SYT2: variants seen among roughly 807,000 people sequenced by gnomAD.
SYT2 encodes the protein synaptotagmin 2.
A neutral mutation model predicts 39.9 loss-of-function variants in SYT2; 15 were observed. The ratio of observed to expected loss-of-function variants is 0.38; its 90% confidence interval spans 0.25 to 0.58. The LOEUF (loss-of-function observed/expected upper bound fraction) is 0.58, where lower values mean the gene tolerates loss of function less well. Ranked by LOEUF, SYT2 falls within the 20% of genes least tolerant of loss-of-function variation. SYT2 has a pLI of 0.70. For missense variants in SYT2, 389 were observed against 530.3 expected (o/e 0.73, Z 2.62); for synonymous variants, 181 against 204.5 (o/e 0.89, Z 0.98).
At chr1:202,652,100 A>G (rs1288406259) in intron 1 of SYT2, among the ~76,000 whole-genome samples, 1 of 152,224 alleles carries the variant, frequency 6.6e-6, no homozygotes, top group Non-Finnish European at 1.5e-5. Flanking sequence ...ATCGCAGCCA[A>G]TCATTCAACT....
chr1:202,672,117 A>T (rs1363123696), intron 1 of SYT2, among the ~76,000 whole-genome samples: 2 of 152,360 alleles, frequency 1.3e-5, no homozygotes, highest in East Asian at 3.9e-4. Flanking sequence ...TAAAAAGCCA[A>T]CATCGAAAAT....
chr1:202,647,140 A>G (rs759389061), intron 1 of SYT2, among the ~76,000 whole-genome samples: 18 of 152,122 alleles, frequency 1.2e-4, no homozygotes, highest in Non-Finnish European at 2.1e-4. Flanking sequence ...ATCCTCCCCA[A>G]AGTCACCTCC....
In SYT2 at chr1:202,618,400, A is replaced by AGTGTGTGTGTGTGTGT. The variant is rs57621822; in HGVS notation, c.-17-12627_-17-12612dup. Among the ~76,000 whole-genome samples the AGTGTGTGTGTGTGTGT allele has an allele frequency of 8.7e-4, 129 of 148,872 alleles. 2 individuals carry two copies. Among genetic ancestry groups the AGTGTGTGTGTGTGTGT allele is most frequent in the Admixed American group, 1.3e-3 (19 of 14,964 alleles). On this transcript the variant is annotated intron_variant, in intron 1 of 8. Transcript: ENST00000367268. ...TGGGAAGGAACCAAGGTCTGGTGTG[A>AGTGTGTGTGTGTGTGT]GTGTGTGTGTGTGTGTGTGTGTGTG... is the stretch of plus-strand genomic sequence containing the variant.
At chr1:202,675,226 G>A (rs1434131937) in intron 1 of SYT2, among the ~76,000 whole-genome samples, 1 of 152,062 alleles carries the variant, frequency 6.6e-6, no homozygotes, top group African/African-American at 2.4e-5. Context: ...GAATGAGTCT[G>A]TATGACCATA....
intron 1 of SYT2, among the ~76,000 whole-genome samples, chr1:202,698,916 C>A (rs1654041070): frequency 6.6e-6 from 1 of 152,086 alleles, no homozygotes; most frequent in Non-Finnish European, 1.5e-5. Flanking sequence ...CACTTCAGGT[C>A]CCCCATTTGT....
intron 1 of SYT2, among the ~76,000 whole-genome samples, chr1:202,613,593 A>C (rs1316911223): frequency 3.3e-5 from 5 of 151,974 alleles, no homozygotes; most frequent in Non-Finnish European, 7.4e-5. Flanking sequence ...TTTGGGGGAA[A>C]ATCTTTCAAT....
intron 1 of SYT2, among the ~76,000 whole-genome samples, chr1:202,650,631 T>C (rs1692173692): frequency 6.6e-6 from 1 of 152,156 alleles, no homozygotes; most frequent in Admixed American, 6.6e-5. Context: ...ACATACTATG[T>C]GCCCTGCACT....
At chr1:202,634,283 C>T (rs780423657) in intron 1 of SYT2, among the ~76,000 whole-genome samples, 11 of 152,060 alleles carry the variant, frequency 7.2e-5, no homozygotes, top group Non-Finnish European at 1.2e-4. Flanking sequence ...TTTGGGAGGC[C>T]GAGGCGGGTG....
At chr1:202,695,868 G>T (rs1653960927) in intron 1 of SYT2, among the ~76,000 whole-genome samples, 1 of 152,146 alleles carries the variant, frequency 6.6e-6, no homozygotes, top group African/African-American at 2.4e-5. Flanking sequence ...CCTGCCAGTT[G>T]TCTCAGTGCT....
intron 1 of SYT2, among the ~76,000 whole-genome samples, chr1:202,670,904 C>T (rs1692574093): frequency 6.6e-6 from 1 of 152,230 alleles, no homozygotes; most frequent in South Asian, 2.1e-4. Context: ...GATTTAACGA[C>T]CTGTGGATGG....
At chr1:202,694,940 T>G (rs938510020) in intron 1 of SYT2, among the ~76,000 whole-genome samples, 1 of 152,192 alleles carries the variant, frequency 6.6e-6, no homozygotes, top group African/African-American at 2.4e-5. Flanking sequence ...TCAATTTACC[T>G]TTTCTCAATA....
intron 1 of SYT2, among the ~76,000 whole-genome samples, chr1:202,709,968 C>G (rs1196374506): frequency 6.6e-6 from 1 of 151,890 alleles, no homozygotes; most frequent in African/African-American, 2.4e-5. Context: ...GCCCGCCCCT[C>G]TCTGCAGCAA....
intron 1 of SYT2, among the ~76,000 whole-genome samples, chr1:202,702,807 T>A (rs959133816): frequency 6.6e-6 from 1 of 152,202 alleles, no homozygotes. Context: ...TAAAGACCTG[T>A]ACATTTGTTA....
At chr1:202,640,733 T>G (rs1691882323) in intron 1 of SYT2, among the ~76,000 whole-genome samples, 2 of 92,104 alleles carry the variant, frequency 2.2e-5, no homozygotes, top group African/African-American at 4.0e-5. Context: ...GTCCTAATGG[T>G]CAGAGAGAGA....
At chr1:202,673,999 G>T (rs902149064) in intron 1 of SYT2, among the ~76,000 whole-genome samples, 2 of 152,130 alleles carry the variant, frequency 1.3e-5, no homozygotes, top group Non-Finnish European at 2.9e-5. Context: ...ATACATGAAG[G>T]TCTATGTGGC....
intron 1 of SYT2, among the ~76,000 whole-genome samples, chr1:202,696,368 C>G (rs1653973587): frequency 6.6e-6 from 1 of 152,200 alleles, no homozygotes; most frequent in East Asian, 1.9e-4. Context: ...CTACAGAGCC[C>G]AGACATCATG....
chr1:202,600,510 C>T (rs1339965275), intron 6 of SYT2, 36 bp from the exon 7 acceptor site: 9 of 1,600,798 alleles, frequency 5.6e-6, no homozygotes, highest in Non-Finnish European at 7.7e-6. Flanking sequence ...GGTCATCTCA[C>T]CCATCCTAGT....
At position 202,596,296 on chromosome 1, in the gene SYT2, C is replaced by CACACACAT. The variant is rs1553333829; in HGVS notation, c.*460_*461insATGTGTGT. 0.022 allele frequency: 1,551 copies of CACACACAT among 71,614 alleles called. 4 individuals are homozygous for CACACACAT. The highest frequency in any genetic ancestry group is 0.047 in the East Asian group (145 of 3,064). The allele number at this position is 71,614 out of a possible 1,614,324, so 4.4% of individuals were successfully genotyped here. A position where few individuals can be genotyped will look rare whatever the true frequency, so the allele number is the denominator to read the frequency against. On this transcript the variant is annotated 3_prime_UTR_variant, in exon 9 of 9. Transcript: ENST00000367268. Reference sequence around the variant, plus strand: ...ACACACACACACACACACACACACACACACACACACATACACACACACACA... The same window carrying CACACACAT: ...ACACACACACACACACACACACACACACACACATACACACACACATACACACACACACA...
chr1:202,688,984 G>A (rs568633437), intron 1 of SYT2, among the ~76,000 whole-genome samples: 157 of 152,262 alleles, frequency 1.0e-3, no homozygotes, highest in African/African-American at 3.4e-3. Context: ...GAAGGTTAAC[G>A]GCTCACGGAG....
Sources: gnomAD v4.1 joint callset for allele counts (sites outside exome capture counted in the v4.1 genomes callset) on GRCh38, gnomAD v4.1.1 for gene constraint, MANE v1.5 for transcripts, NCBI Gene and HGNC (gene_info 2026-07-23, HGNC 2026-07-21) for gene names.